Variants in TGM1 observed in about 807,000 individuals in gnomAD.
TGM1 encodes transglutaminase 1, also known as protein-glutamine gamma-glutamyltransferase K.
In TGM1, 63 loss-of-function variants were observed where a neutral mutation model predicts 88.7. That is an observed-to-expected ratio of 0.71 (90% CI 0.58 to 0.88). The LOEUF (loss-of-function observed/expected upper bound fraction) is 0.88. TGM1 is among the 40% of genes least tolerant of loss of function. TGM1 has a pLI of 0.00. For missense variants in TGM1, 996 were observed against 1,118.0 expected, an observed-to-expected ratio of 0.89 and a Z score of 1.56; for synonymous variants, 415 against 431.1, an observed-to-expected ratio of 0.96 and a Z score of 0.46.
chr14:24,258,778 G>C (rs1174132277), intron 7 of TGM1, 105 bp from the exon 8 acceptor site: 6 of 1,519,018 alleles, frequency 3.9e-6, no homozygotes, highest in Admixed American at 1.9e-5. Context: ...GCCAAGCTGG[G>C]CATAGACTGC....
intron 1 of TGM1, 142 bp downstream of exon 1, chr14:24,262,947 A>C (rs2040827455): frequency 6.2e-6 from 1 of 161,306 alleles, no homozygotes; most frequent in South Asian, 1.7e-4. Flanking sequence ...CAGGGAAAGC[A>C]GAGTCTTGGT....
Position 24,259,674 on chromosome 14 carries a change from A to G in TGM1, c.984+30T>C. On this transcript the variant is annotated intron_variant, in intron 6 of 14. Transcript: ENST00000206765. The surrounding 1 kb of genome is among the most constrained non-coding windows in gnomAD (Gnocchi z 5.7). ...GTGGCGAGGCAGCAGGCACACACAC[A>G]GTAGGACTCAGAGATGTGAGGGTGC... 6.3e-7 allele frequency: 1 copy of G among 1,576,118 alleles called. No individual in the cohort carries two copies. The highest frequency in any genetic ancestry group is 8.7e-7 in the Non-Finnish European group (1 of 1,152,794).
At position 24,259,034 on chromosome 14, in the gene TGM1, C is replaced by T. The variant is rs1416563997; in HGVS notation, c.1159+41G>A. 2 of 1,611,316 alleles carry T rather than the reference C, an allele frequency of 1.2e-6. No individual in the cohort carries two copies. The highest frequency in any genetic ancestry group is 2.2e-5 in the East Asian group (1 of 44,844). On this transcript the variant is annotated intron_variant, in intron 7 of 14. Transcript: ENST00000206765. The surrounding 1 kb of genome is among the most constrained non-coding windows in gnomAD (Gnocchi z 5.7). ...TAAGCCTGGCTTTCCTCCCTTCTCCCTGTAGGGCCCGGGCCACTCCTGTCC... is the reference window on the plus strand; with the variant it reads ...TAAGCCTGGCTTTCCTCCCTTCTCCTTGTAGGGCCCGGGCCACTCCTGTCC...
rs778749307 is a variant in TGM1 at position 24,262,151 on chromosome 14, A to T, written c.202T>A (p.Ser68Thr). Residue 68 changes from serine (S) to threonine (T), a missense_variant, in exon 2 of 15, where the codon TCC becomes ACC. Transcript: ENST00000206765. ...DDDWGPEPSD[S>T]RGRGSSSGTR... ...CCAGAGCTGGACCCTCGACCCCTGG[A>T]GTCAGAGGGTTCAGGTCCCCAGTCG... 4.3e-6 allele frequency: 7 copies of T among 1,613,610 alleles called. No homozygotes were observed. The South Asian group carries it at 7.7e-5, about 18-fold the overall frequency.
chr14:24,254,050 G>C, intron 14 of TGM1, 102 bp downstream of exon 14: 12 of 1,516,164 alleles, frequency 7.9e-6, no homozygotes, highest in Non-Finnish European at 1.1e-5. Context: ...GGTCCTGACA[G>C]AACATACTTG....
chr14:24,258,816 G>A (rs764452553), intron 7 of TGM1, 143 bp from the exon 8 acceptor site: 29 of 1,315,542 alleles, frequency 2.2e-5, no homozygotes, highest in Non-Finnish European at 2.9e-5. Flanking sequence ...GGGCCACAAG[G>A]CCTTTGGGCT....
chr14:24,262,773 G>C (rs1458745757), intron 1 of TGM1, among the ~76,000 whole-genome samples: 1 of 152,244 alleles, frequency 6.6e-6, no homozygotes, highest in Non-Finnish European at 1.5e-5. Flanking sequence ...AACACTGACA[G>C]CTTCTAGAAC....
intron 14 of TGM1, among the ~76,000 whole-genome samples, chr14:24,252,306 G>C (rs749266261): frequency 6.6e-6 from 1 of 152,184 alleles, no homozygotes; most frequent in Non-Finnish European, 1.5e-5. Flanking sequence ...GTCTTTTACT[G>C]TAGGGAGACT....
Position 24,260,489 on chromosome 14 carries a change from G to A in TGM1, c.718C>T (p.Arg240Cys), listed in dbSNP as rs763663668. 2.1e-5 allele frequency: 34 copies of A among 1,613,772 alleles called. No homozygotes were observed. The East Asian group carries it at 3.6e-4, about 17-fold the overall frequency. The change falls in exon 4 of 15, where the codon CGC becomes TGC. Residue 240 changes from arginine to cysteine, a missense_variant. Physicochemically the swap from Arg to Cys is radical, Grantham distance 180. Coordinates refer to ENST00000206765, the MANE Select transcript of TGM1 (RefSeq NM_000359.3). Reference sequence around the variant, plus strand: ...TTGAAGAGGATGTAGATCTCATTGCGGGGGTCAAAGGGCAACTGGAACTCC... The same window carrying A: ...TTGAAGAGGATGTAGATCTCATTGCAGGGGTCAAAGGGCAACTGGAACTCC... ...AGEFQLPFDP[R>C]NEIYILFNPW... is the part of the protein sequence containing the mutation.
At chr14:24,250,564 T>G (rs2040693433) in intron 14 of TGM1, among the ~76,000 whole-genome samples, 1 of 152,132 alleles carries the variant, frequency 6.6e-6, no homozygotes, top group South Asian at 2.1e-4. Flanking sequence ...TCCACAGTCA[T>G]GCTTTGCAGT....
chr14:24,260,488 C>A lies in TGM1; in HGVS notation c.719G>T (p.Arg240Leu), dbSNP rs138574046. Reference sequence around the variant, plus strand: ...GTTGAAGAGGATGTAGATCTCATTGCGGGGGTCAAAGGGCAACTGGAACTC... The same window carrying A: ...GTTGAAGAGGATGTAGATCTCATTGAGGGGGTCAAAGGGCAACTGGAACTC... The part of the protein sequence containing the change: ...AGEFQLPFDP[R>L]NEIYILFNPW... The change falls in exon 4 of 15, where the codon CGC (arginine) becomes CTC (leucine). Residue 240 changes from arginine to leucine, a missense_variant. Physicochemically the swap from Arg to Leu is moderately radical, Grantham distance 102. Coordinates refer to ENST00000206765, the MANE Select transcript of TGM1 (RefSeq NM_000359.3). 6.2e-7 allele frequency: 1 copy of A among 1,613,526 alleles called. No individual in the cohort carries two copies. Among genetic ancestry groups the A allele is most frequent in the Non-Finnish European group, 8.5e-7 (1 of 1,179,852 alleles).
Position 24,254,646 on chromosome 14 carries a change from C to G in TGM1, c.2088+18G>C. The G allele has an allele frequency of 1.2e-6, 2 of 1,613,624 alleles. No individual in the cohort carries two copies. The highest frequency in any genetic ancestry group is 1.7e-6 in the Non-Finnish European group (2 of 1,180,030). On this transcript the variant is annotated intron_variant, in intron 13 of 14. Coordinates refer to ENST00000206765, the MANE Select transcript of TGM1 (RefSeq NM_000359.3). ...TCACTCTCTGACCACCCCTCATGCC[C>G]CAGCAAACTGCATTCACCGTGAGGG...
chr14:24,252,557 C>G (rs2040710796), intron 14 of TGM1, among the ~76,000 whole-genome samples: 1 of 152,252 alleles, frequency 6.6e-6, no homozygotes, highest in African/African-American at 2.4e-5. Flanking sequence ...GCTCTGTTCA[C>G]TGAGCTGCCA....
rs773369193 is a variant in TGM1, at chr14:24,254,841, TG to T, written c.1928-18del. 1 of 1,613,578 alleles carries T rather than the reference TG, an allele frequency of 6.2e-7. No homozygotes were observed. The highest frequency in any genetic ancestry group is 1.1e-5 in the South Asian group (1 of 91,086). On this transcript the variant is annotated intron_variant, in intron 12 of 14. Transcript: ENST00000206765. The stretch of plus-strand genomic sequence containing the variant: ...CACGGTCCGCTGTGGAGAAGAGGCA[TG>T]GCGTCACTGAGGCCTGCTTCCCTAC...
intron 14 of TGM1, among the ~76,000 whole-genome samples, chr14:24,250,741 A>G (rs1222694937): frequency 6.6e-6 from 1 of 152,204 alleles, no homozygotes; most frequent in African/African-American, 2.4e-5. Flanking sequence ...GAGCTCCTCC[A>G]GCAATCTGCA....
At chr14:24,252,972 T>G (rs1286490964) in intron 14 of TGM1, among the ~76,000 whole-genome samples, 1 of 152,180 alleles carries the variant, frequency 6.6e-6, no homozygotes, top group East Asian at 1.9e-4. Context: ...ACACAGCATG[T>G]GTGTGCCCTC....
chr14:24,249,371 G>C lies in TGM1; in HGVS notation c.2396C>G (p.Ala799Gly), dbSNP rs2040679849. Residue 799 changes from alanine (A) to glycine (G), a missense_variant, in exon 15 of 15, where the codon GCT becomes GGT. By Grantham distance (60) the Ala-to-Gly change is moderately conservative. Coordinates refer to ENST00000206765, the MANE Select transcript of TGM1 (RefSeq NM_000359.3). ...APGDGGFFSD[A>G]GGDSHLGETI... Reference sequence around the variant, plus strand: ...CTCTCCTAAGTGACTGTCACCTCCAGCGTCTGAGAAGAAGCCCCCATCCCC... The same window carrying C: ...CTCTCCTAAGTGACTGTCACCTCCACCGTCTGAGAAGAAGCCCCCATCCCC... 6.2e-7 allele frequency: 1 copy of C among 1,614,054 alleles called. No homozygotes were observed. Among genetic ancestry groups the C allele is most frequent in the Non-Finnish European group, 8.5e-7 (1 of 1,180,016 alleles).
Position 24,262,291 on chromosome 14 carries a change from GT to G in TGM1, c.61del (p.Thr21ProfsTer90), listed in dbSNP as rs1253994363. The G allele has an allele frequency of 6.2e-7, 1 of 1,613,594 alleles. No individual in the cohort carries two copies. Among genetic ancestry groups the G allele is most frequent in the Non-Finnish European group, 8.5e-7 (1 of 1,180,022 alleles). The part of the protein sequence containing the change: ...RWGGNPLQPP[T>X]TPSPEPEPEP... ...TGGCTCTGGCTCTGGAGATGGCGTG[GT>G]AGGGGGCTGCAAGGGGTTGCCACCC... On this transcript the variant is annotated frameshift_variant, in exon 2 of 15. Coordinates refer to ENST00000206765, the MANE Select transcript of TGM1 (RefSeq NM_000359.3). LOFTEE classifies it high-confidence loss of function.
Position 24,254,974 on chromosome 14 carries a change from G to A in TGM1, c.1925C>T (p.Ala642Val), listed in dbSNP as rs1463907108. ...AGGGCTGGGTAAGGAGCACTTACAG[G>A]CCCCTGGTGCCAGCTCCACTTCCTT... ...TKKEVELAPGASDRVTMPVAY... is the reference protein window; with the variant it reads ...TKKEVELAPGVSDRVTMPVAY... The change falls in exon 12 of 15, where the codon GCC (alanine) becomes GTC (valine). Residue 642 changes from alanine (A) to valine (V), a missense_variant and splice_region_variant. Ala to Val is a moderately conservative substitution (Grantham distance 64). Transcript: ENST00000206765. 1 of 1,613,598 alleles carries A rather than the reference G, an allele frequency of 6.2e-7. No homozygotes were observed. Among genetic ancestry groups the A allele is most frequent in the Non-Finnish European group, 8.5e-7 (1 of 1,180,032 alleles).
Sources: allele counts gnomAD v4.1 joint callset (sites outside exome capture counted in the v4.1 genomes callset), GRCh38; gene constraint gnomAD v4.1.1; non-coding constraint Gnocchi (gnomAD v3.1); transcripts MANE v1.5; gene names NCBI Gene and HGNC (gene_info 2026-07-23, HGNC 2026-07-21).